PTPRF: variants seen among roughly 807,000 people sequenced by gnomAD.
PTPRF encodes protein tyrosine phosphatase receptor type F, also known as receptor-type tyrosine-protein phosphatase F.
A neutral mutation model predicts 201.8 loss-of-function variants in PTPRF; 59 were observed. That is an observed-to-expected ratio of 0.29 (90% CI 0.24 to 0.36). The LOEUF (loss-of-function observed/expected upper bound fraction) is 0.36, where lower values mean the gene tolerates loss of function less well. PTPRF is among the 10% of genes least tolerant of loss of function. The pLI is 1.00. For missense variants in PTPRF, 2,132 were observed against 2,690.5 expected (o/e 0.79, Z 4.59); for synonymous variants, 1,088 against 1,089.7 (o/e 1.00, Z 0.03).
intron 22 of PTPRF, among the ~76,000 whole-genome samples, chr1:43,611,454 T>C (rs945991780): frequency 7.2e-5 from 11 of 151,960 alleles, no homozygotes; most frequent in African/African-American, 2.4e-4. Flanking sequence ...AGCATGAGAG[T>C]TAGGGGCTTG....
intron 5 of PTPRF, among the ~76,000 whole-genome samples, chr1:43,556,287 G>C (rs1229973791): frequency 6.6e-6 from 1 of 152,122 alleles, no homozygotes; most frequent in East Asian, 1.9e-4. Flanking sequence ...GTTTGAGACA[G>C]AGTCTCACTC....
intron 2 of PTPRF, among the ~76,000 whole-genome samples, chr1:43,543,491 CT>C (rs1458166851): frequency 1.6e-4 from 24 of 152,212 alleles, no homozygotes; most frequent in African/African-American, 5.6e-4. Context: ...CAGCTCCTGT[CT>C]CAGATTTTTG....
At chr1:43,555,160 G>T (rs1307379135) in intron 5 of PTPRF, among the ~76,000 whole-genome samples, 1 of 151,886 alleles carries the variant, frequency 6.6e-6, no homozygotes, top group Non-Finnish European at 1.5e-5. Context: ...GCCGATTGTT[G>T]CTTTCTTTTT....
At position 43,591,364 on chromosome 1, in the gene PTPRF, C is replaced by T. The variant is rs749068389; in HGVS notation, c.1342C>T (p.Arg448Cys). The change falls in exon 9 of 34, where the codon CGC becomes TGC. Residue 448 changes from arginine (R) to cysteine (C), a missense_variant. By Grantham distance (180) the Arg-to-Cys change is radical. This residue lies in a region of PTPRF where 351 missense variants were observed against 401.7 expected (regional missense o/e 0.87). Coordinates refer to ENST00000359947, the MANE Select transcript of PTPRF (RefSeq NM_002840.5). The part of the protein sequence containing the change: ...EEPNGLVRGY[R>C]VYYTPDSRRP... ...GCCCAACGGCCTGGTGCGGGGATACCGCGTCTACTATACTCCGGACTCCCG... is the reference window on the plus strand; with the variant it reads ...GCCCAACGGCCTGGTGCGGGGATACTGCGTCTACTATACTCCGGACTCCCG... 7 of 1,554,328 alleles carry T rather than the reference C, an allele frequency of 4.5e-6. No homozygotes were observed. Among genetic ancestry groups the T allele is most frequent in the African/African-American group, 2.7e-5 (2 of 73,260 alleles).
intron 11 of PTPRF, among the ~76,000 whole-genome samples, chr1:43,594,509 T>C (rs1328045054): frequency 6.6e-6 from 1 of 151,918 alleles, no homozygotes. Context: ...CTGGCTGCTC[T>C]GTGAGAATGG....
Position 43,620,514 on chromosome 1 carries a change from GACCCGATGGCTGAGTAC to G in PTPRF, c.5301_5317del (p.Asp1767GlufsTer9). The G allele has an allele frequency of 6.2e-7, 1 of 1,613,848 alleles. No individual in the cohort carries two copies. ...TGCTCGCTACCAGTACTTTGTTGTTGACCCGATGGCTGAGTACAACATGCCCCAGTATATCCTGCGTG... is the reference window on the plus strand; with the variant it reads ...TGCTCGCTACCAGTACTTTGTTGTTGAACATGCCCCAGTATATCCTGCGTG... On this transcript the variant is annotated frameshift_variant, in exon 31 of 34. Transcript: ENST00000359947. LOFTEE classifies it high-confidence loss of function.
Position 43,578,935 on chromosome 1 carries a change from A to G in PTPRF, c.679+15A>G, listed in dbSNP as rs1647121749. The stretch of plus-strand genomic sequence containing the variant: ...GTATGTGCGAGGTAAGGACTCAGGC[A>G]GTGCCTGGCCCCTGTCACCACAGAG... On this transcript the variant is annotated intron_variant, in intron 7 of 33. Coordinates refer to ENST00000359947, the MANE Select transcript of PTPRF (RefSeq NM_002840.5). 10 of 1,612,228 alleles carry G rather than the reference A, an allele frequency of 6.2e-6. No individual in the cohort carries two copies. The highest frequency in any genetic ancestry group is 8.5e-6 in the Non-Finnish European group (10 of 1,178,332).
rs573253392 is a variant in PTPRF at position 43,546,961 on chromosome 1, C to T, written c.91+1795C>T. 3.3e-5 allele frequency among the ~76,000 whole-genome samples: 5 copies of T among 152,352 alleles called. No homozygotes were observed. The highest frequency in any genetic ancestry group is 4.1e-4 in the South Asian group (2 of 4,830). On this transcript the variant is annotated intron_variant, in intron 3 of 33. Coordinates refer to ENST00000359947, the MANE Select transcript of PTPRF (RefSeq NM_002840.5). The surrounding 1 kb of genome is among the most constrained non-coding windows in gnomAD (Gnocchi z 4.2). ...CACCCTCGGCTCTTGGGCTTTTGCACGCAACAGCCTCCTGACGGTTTCCCT... is the reference window on the plus strand; with the variant it reads ...CACCCTCGGCTCTTGGGCTTTTGCATGCAACAGCCTCCTGACGGTTTCCCT...
In PTPRF at chr1:43,554,830, G is replaced by GC. The variant is rs1238950599; in HGVS notation, c.379+890dup. 6.6e-6 allele frequency among the ~76,000 whole-genome samples: 1 copy of GC among 151,550 alleles called. No individual in the cohort carries two copies. Among genetic ancestry groups the GC allele is most frequent in the African/African-American group, 2.4e-5 (1 of 41,228 alleles). On this transcript the variant is annotated intron_variant, in intron 5 of 33. Coordinates refer to ENST00000359947, the MANE Select transcript of PTPRF (RefSeq NM_002840.5). The surrounding 1 kb of genome is among the most constrained non-coding windows in gnomAD (Gnocchi z 4.1). ...CAAAATATAGCATCGATTGTTGCTT[G>GC]CTTTTTTTTCTTTTCTTTCTTTCTT...
At chr1:43,594,479 G>C (rs979462780) in intron 11 of PTPRF, among the ~76,000 whole-genome samples, 38 of 151,922 alleles carry the variant, frequency 2.5e-4, no homozygotes, top group African/African-American at 8.5e-4. Flanking sequence ...GGGGACACAG[G>C]GTAGGCAGGA....
At chr1:43,586,460 CAG>C (rs1177920801) in intron 7 of PTPRF, among the ~76,000 whole-genome samples, 1 of 152,202 alleles carries the variant, frequency 6.6e-6, no homozygotes, top group African/African-American at 2.4e-5. Context: ...GGTGCGTGCT[CAG>C]AGAGTCCTTT....
intron 1 of PTPRF, chr1:43,532,703 C>A (rs1419891483): frequency 8.8e-6 from 1 of 114,058 alleles, no homozygotes; most frequent in African/African-American, 3.5e-5. Context: ...TTAACTCTTG[C>A]TTCAGGGAGC....
In PTPRF at chr1:43,605,596, A is replaced by G. The variant is rs1654898035; in HGVS notation, c.3457A>G (p.Thr1153Ala). The change falls in exon 19 of 34, where the codon ACA becomes GCA. Residue 1153 changes from threonine to alanine, a missense_variant. Around this residue, in one of 6 missense-constraint regions of PTPRF, gnomAD observed 818 missense variants for 915.3 expected, o/e 0.89. Transcript: ENST00000359947. ...GAGCATGCTGACGCCAAGGTGGAGC[A>G]CACCCGAGGAACTGGAGCTGGACGA... ...GGSMLTPRWS[T>A]PEELELDELL... 1.2e-6 allele frequency: 2 copies of G among 1,614,032 alleles called. No homozygotes were observed. The highest frequency in any genetic ancestry group is 1.1e-5 in the South Asian group (1 of 91,084).
intron 6 of PTPRF, among the ~76,000 whole-genome samples, chr1:43,573,456 A>T (rs1281198494): frequency 6.6e-6 from 1 of 152,168 alleles, no homozygotes; most frequent in Non-Finnish European, 1.5e-5. Context: ...TGGGGGTCTT[A>T]AGAAGAGATG....
At chr1:43,611,927 A>G (rs1363592336) in intron 22 of PTPRF, among the ~76,000 whole-genome samples, 1 of 152,156 alleles carries the variant, frequency 6.6e-6, no homozygotes, top group Non-Finnish European at 1.5e-5. Flanking sequence ...GGGAGGGGCC[A>G]AGGAGCATGT....
In PTPRF at chr1:43,569,772, C is replaced by T. The variant is rs1646443787; in HGVS notation, c.562C>T (p.Arg188Cys). 1.9e-6 allele frequency: 3 copies of T among 1,608,856 alleles called. No individual in the cohort carries two copies. Among genetic ancestry groups the T allele is most frequent in the Non-Finnish European group, 2.5e-6 (3 of 1,176,634 alleles). ...GAGCAACGGCCGCATCAAGCAGCTGCGTTCAGGTGAGCAGAGGGCAGGGGT... is the reference window on the plus strand; with the variant it reads ...GAGCAACGGCCGCATCAAGCAGCTGTGTTCAGGTGAGCAGAGGGCAGGGGT... Reference protein sequence around the residue: ...ATSNGRIKQLRSGALQIESSE... With the variant: ...ATSNGRIKQLCSGALQIESSE... The change falls in exon 6 of 34, where the codon CGT becomes TGT. Residue 188 changes from arginine (R) to cysteine (C), a missense_variant. By Grantham distance (180) the Arg-to-Cys change is radical (BLOSUM62 -3). Around this residue, in one of 6 missense-constraint regions of PTPRF, gnomAD observed 297 missense variants for 454.0 expected, o/e 0.65. Coordinates refer to ENST00000359947, the MANE Select transcript of PTPRF (RefSeq NM_002840.5).
At chr1:43,522,346 T>G (rs1642979011), upstream of PTPRF, among the ~76,000 whole-genome samples, 1 of 152,120 alleles carries the variant, frequency 6.6e-6, no homozygotes, top group Non-Finnish European at 1.5e-5. Context: ...TCTCCCCTGC[T>G]TTTCTTCTTT....
At chr1:43,524,743 G>A (rs982580858), upstream of PTPRF, among the ~76,000 whole-genome samples, 2 of 152,086 alleles carry the variant, frequency 1.3e-5, no homozygotes, top group Admixed American at 6.5e-5. Flanking sequence ...GATGTGGGGA[G>A]GTGTGTGAAT....
At chr1:43,589,093 C>T (rs1353027595) in intron 8 of PTPRF, 93 bp downstream of exon 8, 12 of 1,399,354 alleles carry the variant, frequency 8.6e-6, no homozygotes, top group Non-Finnish European at 1.0e-5. Context: ...TGGGCACAGG[C>T]ATGGCTGAGG....
Sources: gnomAD v4.1 joint callset for allele counts (sites outside exome capture counted in the v4.1 genomes callset) on GRCh38, gnomAD v4.1.1 for gene constraint, gnomAD v4.1.1 regional missense constraint, Gnocchi (gnomAD v3.1) non-coding constraint, MANE v1.5 for transcripts, NCBI Gene and HGNC (gene_info 2026-07-23, HGNC 2026-07-21) for gene names.